The following CCDC38 variants were observed in gnomAD, a reference collection of about 807,000 sequenced individuals.
The protein encoded by CCDC38 is coiled-coil domain containing 38.
Under a neutral mutation model 72.8 loss-of-function variants are expected in CCDC38, and 69 were observed. The observed-to-expected ratio is 0.95, with a 90% CI of 0.78 to 1.16. The LOEUF is 1.16. CCDC38 is among the 50% of genes most tolerant of loss of function. CCDC38 has a pLI of 0.00. For missense variants in CCDC38, 626 were observed against 638.9 expected (o/e 0.98, Z 0.22); for synonymous variants, 201 against 213.2 (o/e 0.94, Z 0.50).
chr12:95,871,485 CTGTT>C (rs2079579855), intron 14 of CCDC38, among the ~76,000 whole-genome samples: 1 of 152,112 alleles, frequency 6.6e-6, no homozygotes, highest in African/African-American at 2.4e-5. Context: ...CAAGGGACAA[CTGTT>C]TGTACTTAAA....
intron 8 of CCDC38, among the ~76,000 whole-genome samples, chr12:95,891,671 G>C (rs141148005): frequency 1.3e-5 from 2 of 151,864 alleles, no homozygotes; most frequent in African/African-American, 4.8e-5. Context: ...ATTTTAAATT[G>C]TTGAATGCAA....
intron 2 of CCDC38, among the ~76,000 whole-genome samples, chr12:95,928,694 T>C (rs545816022): frequency 9.0e-4 from 137 of 152,346 alleles, no homozygotes; most frequent in Middle Eastern, 3.4e-3. Flanking sequence ...TCTTTGATGA[T>C]GGTGATGTAC....
intron 13 of CCDC38, among the ~76,000 whole-genome samples, chr12:95,874,103 T>C (rs1376896096): frequency 6.6e-6 from 1 of 152,234 alleles, no homozygotes; most frequent in African/African-American, 2.4e-5. Flanking sequence ...ACACATTCTT[T>C]TTCTAAACCT....
chr12:95,874,364 G>T (rs947988031), intron 13 of CCDC38, among the ~76,000 whole-genome samples: 1 of 152,174 alleles, frequency 6.6e-6, no homozygotes, highest in Non-Finnish European at 1.5e-5. Flanking sequence ...GAGCAGGGCA[G>T]TGGCTTTTTA....
At chr12:95,905,440 A>C (rs748503314) in intron 5 of CCDC38, among the ~76,000 whole-genome samples, 2 of 152,246 alleles carry the variant, frequency 1.3e-5, no homozygotes, top group Non-Finnish European at 2.9e-5. Flanking sequence ...TTTATAATAA[A>C]GATCAAACTC....
At chr12:95,934,050 A>G (rs1199727854) in intron 2 of CCDC38, 1 of 152,104 alleles carries the variant, frequency 6.6e-6, no homozygotes, top group Non-Finnish European at 1.5e-5. Context: ...ATATATATGT[A>G]TGTATATATA....
At chr12:95,914,127 C>G (rs1398624478) in intron 4 of CCDC38, among the ~76,000 whole-genome samples, 1 of 152,162 alleles carries the variant, frequency 6.6e-6, no homozygotes, top group Non-Finnish European at 1.5e-5. Context: ...AGTTCGAGAC[C>G]ACCCTGGCCA....
chr12:95,905,309 G>A (rs2079990103), intron 5 of CCDC38, among the ~76,000 whole-genome samples: 1 of 152,074 alleles, frequency 6.6e-6, no homozygotes, highest in Non-Finnish European at 1.5e-5. Flanking sequence ...ACTGGTTGAG[G>A]GAGGGAGGGA....
intron 13 of CCDC38, among the ~76,000 whole-genome samples, chr12:95,877,802 G>T (rs1040740030): frequency 3.7e-4 from 56 of 152,200 alleles, no homozygotes; most frequent in Non-Finnish European, 1.8e-4. Context: ...TACAGGCTCA[G>T]TGTTGGGAAA....
intron 4 of CCDC38, among the ~76,000 whole-genome samples, chr12:95,911,557 C>A (rs2080094471): frequency 6.6e-6 from 1 of 151,962 alleles, no homozygotes; most frequent in African/African-American, 2.4e-5. Context: ...AAGAAAAAAA[C>A]ACATTGAAAA....
intron 2 of CCDC38, chr12:95,934,821 C>T (rs1421412181): frequency 6.6e-6 from 1 of 152,072 alleles, no homozygotes; most frequent in Non-Finnish European, 1.5e-5. Context: ...CTAGCCTGGC[C>T]AGCATGGGGA....
intron 13 of CCDC38, among the ~76,000 whole-genome samples, chr12:95,877,304 C>T (rs2079646292): frequency 6.6e-6 from 1 of 151,652 alleles, no homozygotes; most frequent in Non-Finnish European, 1.5e-5. Context: ...TACACACAGA[C>T]ATATAGCTTA....
chr12:95,917,394 T>C, intron 3 of CCDC38, 100 bp from the exon 4 acceptor site: 1 of 1,037,580 alleles, frequency 9.6e-7, no homozygotes, highest in Non-Finnish European at 1.4e-6. Flanking sequence ...AACAAAAATC[T>C]TAACATTAAA....
At chr12:95,909,043 A>G (rs1454376604) in intron 4 of CCDC38, among the ~76,000 whole-genome samples, 1 of 152,222 alleles carries the variant, frequency 6.6e-6, no homozygotes, top group Non-Finnish European at 1.5e-5. Flanking sequence ...GAAATAACTA[A>G]AATCAGAGCA....
At chr12:95,933,266 G>A (rs898381174) in intron 2 of CCDC38, 128 of 152,106 alleles carry the variant, frequency 8.4e-4, no homozygotes, top group African/African-American at 2.3e-3. Flanking sequence ...AATTAAAACT[G>A]GGAGAAAATA....
chr12:95,902,902 T>C (rs2079964518), intron 5 of CCDC38, among the ~76,000 whole-genome samples: 1 of 152,162 alleles, frequency 6.6e-6, no homozygotes, highest in Non-Finnish European at 1.5e-5. Flanking sequence ...AATCAGCCTT[T>C]CAATTTCTAC....
Position 95,894,989 on chromosome 12 carries a change from T to C in CCDC38, c.772A>G (p.Lys258Glu), listed in dbSNP as rs1245698428. The change falls in exon 8 of 16, where the codon AAA becomes GAA. Residue 258 changes from lysine to glutamate, a missense_variant and splice_region_variant. By Grantham distance (56) the Lys-to-Glu change is moderately conservative. Coordinates refer to ENST00000344280, the MANE Select transcript of CCDC38 (RefSeq NM_182496.3). The part of the protein sequence containing the change: ...ANIILPKILA[K>E]LSLHSSNKEG... Reference sequence around the variant, plus strand: ...TGAAAGTTGAGTATAAGTAACTTACTTGCTAATATTTTTGGAAGGATGATA... The same window carrying C: ...TGAAAGTTGAGTATAAGTAACTTACCTGCTAATATTTTTGGAAGGATGATA... 1 of 1,604,980 alleles carries C rather than the reference T, an allele frequency of 6.2e-7. No homozygotes were observed. Among genetic ancestry groups the C allele is most frequent in the Non-Finnish European group, 8.5e-7 (1 of 1,176,854 alleles).
At chr12:95,903,883 G>A (rs1337062424) in intron 5 of CCDC38, 1 of 156,178 alleles carries the variant, frequency 6.4e-6, no homozygotes, top group Non-Finnish European at 1.4e-5. Flanking sequence ...TGATATGAGG[G>A]TAATGCTGGC....
intron 13 of CCDC38, among the ~76,000 whole-genome samples, chr12:95,876,749 C>T (rs568354741): frequency 6.6e-6 from 1 of 152,250 alleles, no homozygotes; most frequent in East Asian, 1.9e-4. Flanking sequence ...ACCCTGTTCA[C>T]CTGTGGGTAG....
Sources: gnomAD v4.1 joint callset for allele counts (sites outside exome capture counted in the v4.1 genomes callset) on GRCh38, gnomAD v4.1.1 for gene constraint, MANE v1.5 for transcripts, NCBI Gene and HGNC (gene_info 2026-07-23, HGNC 2026-07-21) for gene names.